Variants in CDKN1B observed in about 807,000 individuals in gnomAD.
CDKN1B encodes cyclin dependent kinase inhibitor 1B.
A neutral mutation model predicts 17.1 loss-of-function variants in CDKN1B; 7 were observed. The ratio of observed to expected loss-of-function variants is 0.41; its 90% CI spans 0.23 to 0.77. The LOEUF (loss-of-function observed/expected upper bound fraction) is 0.77, where lower values mean the gene tolerates loss of function less well. Among genes scored for constraint, CDKN1B ranks in the 30% least tolerant of loss-of-function variants. The pLI is 0.33. For missense variants in CDKN1B, 337 were observed against 262.0 expected (o/e 1.29, Z -1.98); for synonymous variants, 149 against 104.3 (o/e 1.43, Z -2.61).
chr12:12,721,080 A>G lies in CDKN1B; in HGVS notation c.*53A>G. 1 of 762,406 alleles carries G rather than the reference A, an allele frequency of 1.3e-6. No homozygotes were observed. Among genetic ancestry groups the G allele is most frequent in the Non-Finnish European group, 2.4e-6 (1 of 410,994 alleles). 47.2% of individuals were successfully genotyped at this position (762,406 alleles called of 1,614,324 possible). A position where few individuals can be genotyped will look rare whatever the true frequency, so the allele number is the denominator to read the frequency against. On this transcript the variant is annotated 3_prime_UTR_variant, in exon 3 of 3. Transcript: ENST00000228872. ...TGTTTATCAGATACATCACTGCTTG[A>G]TGAAGCAAGGAAGATATACATGAAA...
chr12:12,719,905 C>T (rs574429572), intron 2 of CDKN1B, among the ~76,000 whole-genome samples: 4 of 152,250 alleles, frequency 2.6e-5, no homozygotes, highest in Non-Finnish European at 4.4e-5. Flanking sequence ...TATTAGCTTC[C>T]TTTAGACCAA....
At chr12:12,718,386 C>G in intron 1 of CDKN1B, 72 bp downstream of exon 1, 1 of 1,375,042 alleles carries the variant, frequency 7.3e-7, no homozygotes, top group African/African-American at 1.4e-5. Flanking sequence ...TTAACCTTAG[C>G]TTGCTTTTCG....
In CDKN1B at chr12:12,717,800, G is replaced by A. The variant is rs1946484177; in HGVS notation, c.-40G>A. The stretch of plus-strand genomic sequence containing the variant: ...TTGTTTTGTTCGGTTTTGTTTTTTT[G>A]AGAGTGCGAGAGAGGCGGTCGTGCA... On this transcript the variant is annotated 5_prime_UTR_variant, in exon 1 of 3. Transcript: ENST00000228872. 1.2e-6 allele frequency: 2 copies of A among 1,600,366 alleles called. No individual in the cohort carries two copies. The highest frequency in any genetic ancestry group is 1.7e-6 in the Non-Finnish European group (2 of 1,175,200).
chr12:12,719,115 G>A, intron 2 of CDKN1B, 161 bp downstream of exon 2: 1 of 802,062 alleles, frequency 1.2e-6, no homozygotes, highest in Non-Finnish European at 2.0e-6. Context: ...TGGGGATACG[G>A]TAATTCCTCA....
chr12:12,720,543 CGTAA>C (rs1264973817), intron 2 of CDKN1B, among the ~76,000 whole-genome samples: 2 of 152,002 alleles, frequency 1.3e-5, no homozygotes, highest in African/African-American at 2.4e-5. Flanking sequence ...AATTTTTACC[CGTAA>C]GTATTACAGT....
In CDKN1B at chr12:12,721,935, A is replaced by T. The variant is rs1946543618; in HGVS notation, c.*908A>T. ...CACATTAAAAAATGAAATATTTTTT[A>T]ATTTAAAGCTTACTCTGTCCATTTA... On this transcript the variant is annotated 3_prime_UTR_variant, in exon 3 of 3. Transcript: ENST00000228872. The T allele has an allele frequency of 1.3e-5, 2 of 152,260 alleles. No homozygotes were observed. The highest frequency in any genetic ancestry group is 4.8e-5 in the African/African-American group (2 of 41,462). 9.4% of individuals were successfully genotyped at this position (152,260 alleles called of 1,614,324 possible).
In CDKN1B at chr12:12,717,772, G is replaced by A. The variant is rs1946483462; in HGVS notation, c.-68G>A. ...AGAGGGGTTCGGGCTGCGTAGGGGC[G>A]CTTTGTTTTGTTCGGTTTTGTTTTT... On this transcript the variant is annotated 5_prime_UTR_variant, in exon 1 of 3. Coordinates refer to ENST00000228872, the MANE Select transcript of CDKN1B (RefSeq NM_004064.5). 14 of 1,605,210 alleles carry A rather than the reference G, an allele frequency of 8.7e-6. No individual in the cohort carries two copies. Among genetic ancestry groups the A allele is most frequent in the Non-Finnish European group, 1.2e-5 (14 of 1,179,716 alleles).
chr12:12,720,965 T>C (rs1946535817), intron 2 of CDKN1B, 71 bp from the exon 3 acceptor site: 1 of 578,018 alleles, frequency 1.7e-6, no homozygotes, highest in Non-Finnish European at 3.1e-6. Flanking sequence ...GACAAAATAA[T>C]TCCTGTACTC....
At position 12,718,923 on chromosome 12, in the gene CDKN1B, G is replaced by A. The variant is rs761788198; in HGVS notation, c.574G>A (p.Gly192Ser). The change falls in exon 2 of 3, where the codon GGC becomes AGC. Residue 192 changes from glycine (G) to serine (S), a missense_variant. Gly to Ser is a moderately conservative substitution (Grantham distance 56). Transcript: ENST00000228872. ...GSVEQTPKKP[G>S]LRRRQT ...TGTGGAGCAGACGCCCAAGAAGCCTGGCCTCAGAAGACGTCAAACGTAAAC... is the reference window on the plus strand; with the variant it reads ...TGTGGAGCAGACGCCCAAGAAGCCTAGCCTCAGAAGACGTCAAACGTAAAC... The A allele has an allele frequency of 6.2e-7, 1 of 1,614,098 alleles. No homozygotes were observed.
chr12:12,718,395 C>A, intron 1 of CDKN1B, 81 bp downstream of exon 1: 2 of 1,285,942 alleles, frequency 1.6e-6, no homozygotes, highest in Non-Finnish European at 2.2e-6. Flanking sequence ...GCTTGCTTTT[C>A]GGCGTATTCT....
In CDKN1B at chr12:12,718,087, G is replaced by A. The variant is rs756574571; in HGVS notation, c.248G>A (p.Ser83Asn). 1 of 1,614,146 alleles carries A rather than the reference G, an allele frequency of 6.2e-7. No individual in the cohort carries two copies. The highest frequency in any genetic ancestry group is 2.2e-5 in the East Asian group (1 of 44,900). Residue 83 changes from serine to asparagine, a missense_variant, in exon 1 of 3, where the codon AGC becomes AAC. Physicochemically the swap from Ser to Asn is conservative, Grantham distance 46 (BLOSUM62 1). Coordinates refer to ENST00000228872, the MANE Select transcript of CDKN1B (RefSeq NM_004064.5). The part of the protein sequence containing the change: ...KYEWQEVEKG[S>N]LPEFYYRPPR... ...GAGTGGCAAGAGGTGGAGAAGGGCA[G>A]CTTGCCCGAGTTCTACTACAGACCC...
rs142833529 is a variant in CDKN1B at position 12,718,195 on chromosome 12, T to A, written c.356T>A (p.Ile119Asn). ...GGGAGCCGCCCGGCGGCGCCTTTAATTGGGGCTCCGGCTAACTCTGAGGAC... is the reference window on the plus strand; with the variant it reads ...GGGAGCCGCCCGGCGGCGCCTTTAAATGGGGCTCCGGCTAACTCTGAGGAC... ...VSGSRPAAPLIGAPANSEDTH... is the reference protein window; with the variant it reads ...VSGSRPAAPLNGAPANSEDTH... Residue 119 changes from isoleucine to asparagine, a missense_variant, in exon 1 of 3, where the codon ATT (isoleucine) becomes AAT (asparagine). By Grantham distance (149) the Ile-to-Asn change is moderately radical (BLOSUM62 -3). Transcript: ENST00000228872. 3.7e-6 allele frequency: 6 copies of A among 1,613,028 alleles called. No homozygotes were observed. The South Asian group carries it at 6.6e-5, about 18-fold the overall frequency.
At chr12:12,718,355 CG>C in intron 1 of CDKN1B, 41 bp downstream of exon 1, 1 of 1,548,736 alleles carries the variant, frequency 6.5e-7, no homozygotes, top group Non-Finnish European at 8.8e-7. Context: ...TTTGGGGCCC[CG>C]CTTTGCCTGC....
Position 12,718,854 on chromosome 12 carries a change from A to G in CDKN1B, c.505A>G (p.Arg169Gly), listed in dbSNP as rs2136357302. 6.2e-7 allele frequency: 1 copy of G among 1,614,194 alleles called. No homozygotes were observed. Among genetic ancestry groups the G allele is most frequent in the African/African-American group, 1.3e-5 (1 of 75,060 alleles). The change falls in exon 2 of 3, where the codon AGA becomes GGA. Residue 169 changes from arginine to glycine, a missense_variant. By Grantham distance (125) the Arg-to-Gly change is moderately radical. Coordinates refer to ENST00000228872, the MANE Select transcript of CDKN1B (RefSeq NM_004064.5). ...DSSTQNKRAN[R>G]TEENVSDGSP... is the part of the protein sequence containing the mutation. ...TTCTACTCAAAACAAAAGAGCCAAC[A>G]GAACAGAAGAAAATGTTTCAGACGG...
At chr12:12,719,033 G>C in intron 2 of CDKN1B, 79 bp downstream of exon 2, 2 of 1,574,734 alleles carry the variant, frequency 1.3e-6, no homozygotes, top group Non-Finnish European at 1.7e-6. Context: ...CTGGTTGCTG[G>C]CAAATTAAAA....
rs1169809885 is a variant in CDKN1B at position 12,717,702 on chromosome 12, C to T, written c.-138C>T. On this transcript the variant is annotated 5_prime_UTR_variant, in exon 1 of 3. Transcript: ENST00000228872. ...TCCTAGAGCTCGGGCCGTGGCTCGTCGGGGTCTGTGTCTTTTGGCTCCGAG... is the reference window on the plus strand; with the variant it reads ...TCCTAGAGCTCGGGCCGTGGCTCGTTGGGGTCTGTGTCTTTTGGCTCCGAG... 2.6e-6 allele frequency: 4 copies of T among 1,544,748 alleles called. No individual in the cohort carries two copies. The highest frequency in any genetic ancestry group is 1.4e-5 in the African/African-American group (1 of 73,066).
intron 1 of CDKN1B, 70 bp from the exon 2 acceptor site, chr12:12,718,755 A>C: frequency 6.3e-7 from 1 of 1,592,310 alleles, no homozygotes; most frequent in East Asian, 2.2e-5. Flanking sequence ...CTATGGGGCC[A>C]ACTTCTGCCA....
chr12:12,717,407 C>A lies in CDKN1B; in HGVS notation c.-433C>A. On this transcript the variant is annotated 5_prime_UTR_variant, in exon 1 of 3. Transcript: ENST00000228872. ...TCCCTTCCACCGCCATATTGGGCCA[C>A]TAAAAAAAGGGGGCTCGTCTTTTCG... 1 of 1,213,220 alleles carries A rather than the reference C, an allele frequency of 8.2e-7. No individual in the cohort carries two copies. Among genetic ancestry groups the A allele is most frequent in the Non-Finnish European group, 1.0e-6 (1 of 968,032 alleles). The allele number at this position is 1,213,220 out of a possible 1,614,324, so 75.2% of individuals were successfully genotyped here. A position where few individuals can be genotyped will look rare whatever the true frequency, so the allele number is the denominator to read the frequency against.
chr12:12,717,609 C>T lies in CDKN1B; in HGVS notation c.-231C>T. 6.9e-7 allele frequency: 1 copy of T among 1,441,924 alleles called. No individual in the cohort carries two copies. Among genetic ancestry groups the T allele is most frequent in the South Asian group, 1.5e-5 (1 of 67,960 alleles). 89.3% of individuals were successfully genotyped at this position (1,441,924 alleles called of 1,614,324 possible). A position where few individuals can be genotyped will look rare whatever the true frequency, so the allele number is the denominator to read the frequency against. ...GTCCCCTCTCCTCTCCGCCCTCCCG[C>T]TCGCCAGTCCATTTGATCAGCGGAG... On this transcript the variant is annotated 5_prime_UTR_variant, in exon 1 of 3. Coordinates refer to ENST00000228872, the MANE Select transcript of CDKN1B (RefSeq NM_004064.5).
Sources: gnomAD v4.1 joint callset for allele counts (sites outside exome capture counted in the v4.1 genomes callset) on GRCh38, gnomAD v4.1.1 for gene constraint, MANE v1.5 for transcripts, NCBI Gene and HGNC (gene_info 2026-07-23, HGNC 2026-07-21) for gene names.